The following NMUR1 variants were observed in gnomAD, a reference collection of about 807,000 sequenced individuals.
NMUR1 encodes the protein neuromedin U receptor 1.
Under a neutral mutation model 18.8 loss-of-function variants are expected in NMUR1, and 16 were observed. The ratio of observed to expected loss-of-function variants is 0.85; its 90% CI spans 0.58 to 1.29. The LOEUF (loss-of-function observed/expected upper bound fraction) is 1.29. Ranked by LOEUF, NMUR1 falls within the 50% of genes most tolerant of loss-of-function variation. The probability of loss-of-function intolerance (pLI) is 0.00; values close to 1 mark genes in which losing one functional copy is unlikely to be tolerated. For synonymous variants in NMUR1, 258 were observed against 258.2 expected (o/e 1.00, Z 0.01); for missense variants, 529 against 580.3 (o/e 0.91, Z 0.91).
intron 2 of NMUR1, among the ~76,000 whole-genome samples, chr2:231,526,632 A>G (rs2047359011): frequency 6.6e-6 from 1 of 152,188 alleles, no homozygotes; most frequent in Admixed American, 6.5e-5. Context: ...GAGCTGCACA[A>G]GAGACTGAGC....
chr2:231,524,749 A>G lies in NMUR1; in HGVS notation c.*294T>C. On this transcript the variant is annotated 3_prime_UTR_variant, in exon 3 of 3. Coordinates refer to ENST00000305141, the MANE Select transcript of NMUR1 (RefSeq NM_006056.5). ...GTGGCAGGGAGTCCCCAGAGGGAGG[A>G]CTGCTGAGCCCCAGCTAACTGTGAT... 3.1e-6 allele frequency: 1 copy of G among 326,190 alleles called. No individual in the cohort carries two copies. Among genetic ancestry groups the G allele is most frequent in the Non-Finnish European group, 5.6e-6 (1 of 177,584 alleles). The allele number at this position is 326,190 out of a possible 1,614,324, so 20.2% of individuals were successfully genotyped here.
downstream of NMUR1, among the ~76,000 whole-genome samples, chr2:231,519,515 G>A (rs767070092): frequency 6.6e-6 from 1 of 152,244 alleles, no homozygotes; most frequent in Non-Finnish European, 1.5e-5. Context: ...CATTTGGAAC[G>A]ATGTTGCAGA....
At chr2:231,521,973 C>CTTTTTTTTTTTTTTTT (rs10625236), downstream of NMUR1, among the ~76,000 whole-genome samples, 3 of 83,824 alleles carry the variant, frequency 3.6e-5, no homozygotes, top group African/African-American at 9.6e-5. Flanking sequence ...TTTTTTTTCT[C>CTTTTTTTTTTTTTTTT]TTTTTTTTTT....
intron 1 of NMUR1, among the ~76,000 whole-genome samples, chr2:231,530,154 G>A (rs1332094751): frequency 6.6e-6 from 1 of 152,188 alleles, no homozygotes; most frequent in Non-Finnish European, 1.5e-5. Context: ...CCTGGTCCTC[G>A]AGGAAGGGTC....
At chr2:231,520,089 C>G (rs2047293105), downstream of NMUR1, among the ~76,000 whole-genome samples, 1 of 152,042 alleles carries the variant, frequency 6.6e-6, no homozygotes, top group Admixed American at 6.6e-5. Flanking sequence ...TAAAAGAAAT[C>G]AATAATATTT....
intron 1 of NMUR1, among the ~76,000 whole-genome samples, chr2:231,529,272 C>A (rs933134560): frequency 6.6e-6 from 1 of 152,058 alleles, no homozygotes; most frequent in African/African-American, 2.4e-5. Flanking sequence ...CCAGCCTGGC[C>A]AATATGGTGA....
intron 2 of NMUR1, 129 bp from the exon 3 acceptor site, chr2:231,525,554 G>C: frequency 9.0e-7 from 1 of 1,115,748 alleles, no homozygotes; most frequent in East Asian, 2.6e-5. Context: ...TATCACCCAG[G>C]TGGAAGTTTC....
intron 2 of NMUR1, 125 bp downstream of exon 2, chr2:231,527,998 A>ACACG: frequency 1.0e-6 from 1 of 963,538 alleles, no homozygotes; most frequent in Non-Finnish European, 1.5e-6. Context: ...ACACACACAC[A>ACACG]CGAGACTAGA....
intron 2 of NMUR1, 150 bp downstream of exon 2, chr2:231,527,973 G>GACATACACACACACAC (rs2047372578): frequency 2.0e-6 from 1 of 499,538 alleles, no homozygotes; most frequent in East Asian, 3.6e-5. Flanking sequence ...GTGCAACTCA[G>GACATACACACACACAC]ACACACACAC....
At position 231,524,825 on chromosome 2, in the gene NMUR1, G is replaced by A; in HGVS notation, c.*218C>T. 1.9e-6 allele frequency: 1 copy of A among 520,580 alleles called. No homozygotes were observed. Among genetic ancestry groups the A allele is most frequent in the East Asian group, 3.1e-5 (1 of 32,606 alleles). The allele number at this position is 520,580 out of a possible 1,614,324, so 32.2% of individuals were successfully genotyped here. A position where few individuals can be genotyped will look rare whatever the true frequency, so the allele number is the denominator to read the frequency against. On this transcript the variant is annotated 3_prime_UTR_variant, in exon 3 of 3. Transcript: ENST00000305141. The stretch of plus-strand genomic sequence containing the variant: ...TGGGGGAGTGGCAGTGGACAGATAA[G>A]AAGCACAAGGTGTGGCGTCTGGTCA...
intron 1 of NMUR1, among the ~76,000 whole-genome samples, chr2:231,529,530 G>A (rs910387900): frequency 6.6e-6 from 1 of 151,866 alleles, no homozygotes; most frequent in Non-Finnish European, 1.5e-5. Context: ...GTGGGGTTTT[G>A]ATTTTAAATT....
At chr2:231,527,900 T>C (rs906991049) in intron 2 of NMUR1, among the ~76,000 whole-genome samples, 13 of 152,038 alleles carry the variant, frequency 8.6e-5, no homozygotes, top group Non-Finnish European at 1.9e-4. Flanking sequence ...ATCTTACCGT[T>C]AGCCATTAAC....
At chr2:231,521,973 C>CTTTTTTTTTTTT (rs10625236), downstream of NMUR1, among the ~76,000 whole-genome samples, 3 of 83,828 alleles carry the variant, frequency 3.6e-5, no homozygotes, top group African/African-American at 4.8e-5. Flanking sequence ...TTTTTTTTCT[C>CTTTTTTTTTTTT]TTTTTTTTTT....
At chr2:231,527,991 C>T (rs2047373026) in intron 2 of NMUR1, 132 bp downstream of exon 2, 1 of 916,484 alleles carries the variant, frequency 1.1e-6, no homozygotes, top group Non-Finnish European at 1.6e-6. Context: ...CACACACACA[C>T]ACACACACGA....
At position 231,523,371 on chromosome 2, in the gene NMUR1, T is replaced by G; in HGVS notation, c.*1672A>C. The G allele has an allele frequency of 2.9e-6, 1 of 343,408 alleles. No homozygotes were observed. Among genetic ancestry groups the G allele is most frequent in the Non-Finnish European group, 5.3e-6 (1 of 187,460 alleles). 21.3% of individuals were successfully genotyped at this position (343,408 alleles called of 1,614,324 possible). On this transcript the variant is annotated 3_prime_UTR_variant, in exon 3 of 3. Transcript: ENST00000305141. ...ACTGATCTCCAGAACTTTTTCATTT[T>G]GCAAAACTGAAACTCTTCACCCATT...
chr2:231,528,044 C>G, intron 2 of NMUR1, 79 bp downstream of exon 2: 2 of 1,445,106 alleles, frequency 1.4e-6, no homozygotes, highest in South Asian at 1.4e-5. Context: ...AGATACTCAG[C>G]CCCTTCTCCC....
Position 231,528,742 on chromosome 2 carries a change from C to T in NMUR1, c.279G>A (p.Thr93=), listed in dbSNP as rs1261865923. 7.4e-6 allele frequency: 12 copies of T among 1,614,226 alleles called. No homozygotes were observed. Among genetic ancestry groups the T allele is most frequent in the Admixed American group, 3.3e-5 (2 of 60,028 alleles). ...GGCTGAAGAGGTAGTAGTTGGTAGGCGTGCGCATGGCCTTGTGGCGCAGGA... is the reference window on the plus strand; with the variant it reads ...GGCTGAAGAGGTAGTAGTTGGTAGGTGTGCGCATGGCCTTGTGGCGCAGGA... ...LVILRHKAMR[T]PTNYYLFSLA... The change falls in exon 2 of 3, where the codon ACG becomes ACA. Residue 93 remains threonine (T), a synonymous_variant. Transcript: ENST00000305141.
chr2:231,529,080 C>T (rs1380392283), intron 1 of NMUR1, 63 bp from the exon 2 acceptor site: 1 of 1,466,590 alleles, frequency 6.8e-7, no homozygotes, highest in Non-Finnish European at 9.1e-7. Flanking sequence ...TCTGTCCTCA[C>T]TCATCAAGCC....
At chr2:231,529,505 A>T (rs1466247211) in intron 1 of NMUR1, among the ~76,000 whole-genome samples, 15 of 13,924 alleles carry the variant, frequency 1.1e-3, no homozygotes, top group African/African-American at 6.5e-4. Context: ...TCTACATTTA[A>T]AAAAAAAAAA....
Sources: allele counts gnomAD v4.1 joint callset (sites outside exome capture counted in the v4.1 genomes callset), GRCh38; gene constraint gnomAD v4.1.1; transcripts MANE v1.5; gene names NCBI Gene and HGNC (gene_info 2026-07-23, HGNC 2026-07-21).